Variants in PCDH7 observed in about 807,000 individuals in gnomAD.
PCDH7 encodes protocadherin 7, also known as protocadherin-7.
A neutral mutation model predicts 58.9 loss-of-function variants in PCDH7; 17 were observed. The ratio of observed to expected loss-of-function variants is 0.29; its 90% CI spans 0.20 to 0.43. The LOEUF (loss-of-function observed/expected upper bound fraction) is 0.43, where lower values mean the gene tolerates loss of function less well. Ranked by LOEUF, PCDH7 falls within the 20% of genes least tolerant of loss-of-function variation. The pLI, the probability that PCDH7 is intolerant of heterozygous loss-of-function variation, is 1.00. For synonymous variants in PCDH7, 664 were observed against 616.4 expected (o/e 1.08, Z -1.14); for missense variants, 1,274 against 1,441.0 (o/e 0.88, Z 1.88).
rs182879454 is a variant in PCDH7, at chr4:30,978,191, C to T, written c.*7+27976C>T. Among the ~76,000 whole-genome samples the T allele has an allele frequency of 1.8e-3, 279 of 152,286 alleles. 2 individuals are homozygous for T. The highest frequency in any genetic ancestry group is 5.9e-3 in the African/African-American group (246 of 41,564). ...ATTACATAAGAAAACATCTTATAAACGAATCGGTACTGATTAATATCCAGG... is the reference window on the plus strand; with the variant it reads ...ATTACATAAGAAAACATCTTATAAATGAATCGGTACTGATTAATATCCAGG... On this transcript the variant is annotated intron_variant, in intron 3 of 3. Coordinates refer to the PCDH7 transcript ENST00000509759.
rs565324739 is a variant in PCDH7, at chr4:31,063,628, G to A, written c.*8-78845G>A. 2.0e-5 allele frequency among the ~76,000 whole-genome samples: 3 copies of A among 151,998 alleles called. No homozygotes were observed. In the East Asian group the frequency reaches 5.8e-4, roughly 29 times the overall value. Reference sequence around the variant, plus strand: ...ATAGCAGTTATTAAGTAGCAATGCTGTCAGTCAAAGCAAGGGATAATTGAT... The same window carrying A: ...ATAGCAGTTATTAAGTAGCAATGCTATCAGTCAAAGCAAGGGATAATTGAT... On this transcript the variant is annotated intron_variant, in intron 3 of 3. Transcript: ENST00000509759.
chr4:30,952,864 A>G (rs1361351365), intron 3 of PCDH7, among the ~76,000 whole-genome samples: 1 of 152,162 alleles, frequency 6.6e-6, no homozygotes, highest in Non-Finnish European at 1.5e-5. Flanking sequence ...CGGTTGAGAC[A>G]GGGCTTGCTG....
chr4:31,106,017 A>AG (rs1463241633), intron 3 of PCDH7, among the ~76,000 whole-genome samples: 2 of 122,434 alleles, frequency 1.6e-5, no homozygotes, highest in East Asian at 5.8e-4. Flanking sequence ...AAAAAAAGAA[A>AG]AAAAAAATAT....
At chr4:30,844,545 A>G (rs1480055912) in intron 1 of PCDH7, among the ~76,000 whole-genome samples, 1 of 152,116 alleles carries the variant, frequency 6.6e-6, no homozygotes, top group Non-Finnish European at 1.5e-5. Flanking sequence ...AACAGCTTCT[A>G]TAGTCATTTC....
At position 30,773,042 on chromosome 4, in the gene PCDH7, C is replaced by T. The variant is rs570076787; in HGVS notation, c.70+48446C>T. On this transcript the variant is annotated intron_variant, in intron 1 of 3. Transcript: ENST00000509759. The stretch of plus-strand genomic sequence containing the variant: ...TCAATCTTCCAAGTAGCTGGGACTA[C>T]AGGCATGTGCCACCACACAACCAGC... Among the ~76,000 whole-genome samples the T allele has an allele frequency of 5.3e-5, 8 of 152,266 alleles. No homozygotes were observed. In the South Asian group the frequency reaches 1.7e-3, roughly 32 times the overall value.
At chr4:31,073,306 A>G (rs1320990388) in intron 3 of PCDH7, among the ~76,000 whole-genome samples, 3 of 152,198 alleles carry the variant, frequency 2.0e-5, no homozygotes, top group Non-Finnish European at 4.4e-5. Flanking sequence ...ATAAATAAAC[A>G]AAATAGATTG....
At chr4:30,884,517 C>G (rs1010716933) in intron 1 of PCDH7, 1 of 152,086 alleles carries the variant, frequency 6.6e-6, no homozygotes, top group African/African-American at 2.4e-5. Context: ...ATAATGGATG[C>G]TGTCTGTCCG....
intron 2 of PCDH7, among the ~76,000 whole-genome samples, chr4:30,927,360 C>T (rs1198788598): frequency 6.6e-6 from 1 of 151,952 alleles, no homozygotes; most frequent in Non-Finnish European, 1.5e-5. Flanking sequence ...GAGGTGTACC[C>T]AACAGCTCAT....
intron 3 of PCDH7, among the ~76,000 whole-genome samples, chr4:31,122,904 C>T (rs1717860473): frequency 6.6e-6 from 1 of 151,800 alleles, no homozygotes; most frequent in African/African-American, 2.4e-5. Flanking sequence ...CTGCAAGTCA[C>T]AAAAGATTAA....
chr4:30,849,247 A>G (rs1732394840), intron 1 of PCDH7, among the ~76,000 whole-genome samples: 2 of 152,118 alleles, frequency 1.3e-5, no homozygotes, highest in African/African-American at 2.4e-5. Flanking sequence ...TCTCCCCTCC[A>G]AAAACCACTC....
chr4:30,812,611 TTAATC>T (rs1430047060), intron 1 of PCDH7, among the ~76,000 whole-genome samples: 13 of 152,170 alleles, frequency 8.5e-5, no homozygotes, highest in Admixed American at 2.0e-4. Context: ...AATCAAAACT[TTAATC>T]TAGTATATGC....
chr4:30,758,289 A>G (rs1330219772), intron 1 of PCDH7, among the ~76,000 whole-genome samples: 1 of 152,156 alleles, frequency 6.6e-6, no homozygotes, highest in East Asian at 1.9e-4. Context: ...GGAGACCAGC[A>G]TGGTGGGAGA....
rs370403132 is a variant in PCDH7 at position 30,927,862 on chromosome 4, C to A, written c.287+7493C>A. 4.4e-3 allele frequency among the ~76,000 whole-genome samples: 644 copies of A among 147,090 alleles called. 1 individual carries two copies. Among genetic ancestry groups the A allele is most frequent in the Non-Finnish European group, 6.4e-3 (423 of 66,246 alleles). On this transcript the variant is annotated intron_variant, in intron 2 of 3. Transcript: ENST00000509759. The stretch of plus-strand genomic sequence containing the variant: ...ACCCAAGAATGATCAATAAAAAAAA[C>A]CAAAAAACAAAAAAACCTTGTGCTG...
At chr4:30,921,909 A>T (rs1296161422) in intron 2 of PCDH7, among the ~76,000 whole-genome samples, 3 of 151,988 alleles carry the variant, frequency 2.0e-5, no homozygotes, top group Admixed American at 1.3e-4. Context: ...AGCTTTATTA[A>T]AAAAGGACTT....
intron 1 of PCDH7, among the ~76,000 whole-genome samples, chr4:30,780,724 G>C (rs570140173): frequency 6.6e-6 from 1 of 152,080 alleles, no homozygotes. Context: ...TAATTTGTCT[G>C]TGTACGTCTA....
intron 3 of PCDH7, among the ~76,000 whole-genome samples, chr4:30,973,463 C>A (rs1205236771): frequency 6.6e-6 from 1 of 152,128 alleles, no homozygotes; most frequent in Non-Finnish European, 1.5e-5. Flanking sequence ...GAATAAAAGA[C>A]TACCACATTA....
chr4:30,771,829 TAGA>T (rs1721446157), intron 1 of PCDH7, among the ~76,000 whole-genome samples: 1 of 152,180 alleles, frequency 6.6e-6, no homozygotes, highest in African/African-American at 2.4e-5. Flanking sequence ...CGTAAAGTGA[TAGA>T]AGAAGAAGGG....
At chr4:31,146,015 A>G (rs568757440), downstream of PCDH7, 4 of 152,232 alleles carry the variant, frequency 2.6e-5, no homozygotes, top group Admixed American at 6.5e-5. Flanking sequence ...ATTTATGTGT[A>G]TTAAAACGTC....
exon 2 of PCDH7, chr4:30,731,199 A>G: frequency 1.0e-6 from 1 of 957,456 alleles, no homozygotes; most frequent in Non-Finnish European, 1.2e-6. Flanking sequence ...TTTTGAATAA[A>G]AATCTAAATT....
Sources: gnomAD v4.1 joint callset for allele counts (sites outside exome capture counted in the v4.1 genomes callset) on GRCh38, gnomAD v4.1.1 for gene constraint, MANE v1.5 for transcripts, NCBI Gene and HGNC (gene_info 2026-07-23, HGNC 2026-07-21) for gene names.